Variants in RSF1 observed in about 807,000 individuals in gnomAD.
The protein encoded by RSF1 is remodeling and spacing factor 1.
In RSF1, 13 loss-of-function variants were observed where a neutral mutation model predicts 145.2. The observed-to-expected ratio is 0.09, with a 90% CI of 0.06 to 0.14. The LOEUF is 0.14. Ranked by LOEUF, RSF1 falls within the 10% of genes least tolerant of loss-of-function variation. The pLI is 1.00. For missense variants in RSF1, 1,517 were observed against 1,718.2 expected, an observed-to-expected ratio of 0.88 and a Z score of 2.07; for synonymous variants, 577 against 592.6, an observed-to-expected ratio of 0.97 and a Z score of 0.38.
the RSF1 span, chr11:77,872,038 G>A: frequency 3.9e-5 from 35 of 903,660 alleles, no homozygotes; most frequent in Non-Finnish European, 4.9e-5. Context: ...CCAAATTTTG[G>A]ACTGGTGATA....
intron 4 of RSF1, among the ~76,000 whole-genome samples, chr11:77,733,332 CA>C (rs1337183091): frequency 1.3e-5 from 2 of 148,696 alleles, no homozygotes; most frequent in Admixed American, 1.4e-4. Context: ...AGCACTTTTT[CA>C]TATGAATACT....
chr11:77,836,476 A>G, the RSF1 span, among the ~76,000 whole-genome samples: 6 of 152,162 alleles, frequency 3.9e-5, no homozygotes, highest in East Asian at 7.7e-4. Flanking sequence ...CCATAAACCA[A>G]CCAATCCTAT....
intron 5 of RSF1, among the ~76,000 whole-genome samples, chr11:77,711,876 T>C (rs1960693331): frequency 1.3e-5 from 2 of 152,206 alleles, no homozygotes; most frequent in South Asian, 4.1e-4. Context: ...TATTCTTTTT[T>C]TCCTTGGTCT....
At chr11:77,753,588 G>A (rs1228184801) in intron 2 of RSF1, among the ~76,000 whole-genome samples, 2 of 152,178 alleles carry the variant, frequency 1.3e-5, no homozygotes, top group Non-Finnish European at 2.9e-5. Flanking sequence ...GAATTTTTGT[G>A]ATTTTTAAAA....
chr11:77,872,040 C>T, the RSF1 span: 2 of 924,174 alleles, frequency 2.2e-6, no homozygotes, highest in South Asian at 5.6e-5. Flanking sequence ...AAATTTTGGA[C>T]TGGTGATACA....
At chr11:77,835,142 G>T in the RSF1 span, among the ~76,000 whole-genome samples, 21 of 152,270 alleles carry the variant, frequency 1.4e-4, no homozygotes, top group East Asian at 4.0e-3. Flanking sequence ...AATTGAGTGT[G>T]ACCACATGAC....
chr11:77,791,580 C>T (rs1369746344), intron 1 of RSF1, among the ~76,000 whole-genome samples: 1 of 152,110 alleles, frequency 6.6e-6, no homozygotes, highest in Non-Finnish European at 1.5e-5. Context: ...AACTGAATGC[C>T]TTTAATAGCA....
At chr11:77,705,657 T>C (rs1960530717) in intron 5 of RSF1, among the ~76,000 whole-genome samples, 1 of 152,264 alleles carries the variant, frequency 6.6e-6, no homozygotes, top group Non-Finnish European at 1.5e-5. Flanking sequence ...GAGGAAGTCG[T>C]GGGTGAGAAG....
chr11:77,833,222 G>C, the RSF1 span, among the ~76,000 whole-genome samples: 2 of 151,376 alleles, frequency 1.3e-5, no homozygotes, highest in African/African-American at 4.9e-5. Flanking sequence ...TGTTGGCCAG[G>C]CTGTTTATTT....
intron 5 of RSF1, among the ~76,000 whole-genome samples, chr11:77,715,105 T>C (rs557673667): frequency 4.6e-5 from 7 of 152,278 alleles, no homozygotes; most frequent in East Asian, 3.9e-4. Flanking sequence ...TCCTGGGCAA[T>C]TGAGCAAGAC....
At chr11:77,687,530 A>AC (rs1395465275) in intron 9 of RSF1, among the ~76,000 whole-genome samples, 1 of 152,018 alleles carries the variant, frequency 6.6e-6, no homozygotes, top group Non-Finnish European at 1.5e-5. Flanking sequence ...ACATGGCAAA[A>AC]CCCCATCTGT....
chr11:77,750,092 T>G lies in RSF1; in HGVS notation c.280-2964A>C, dbSNP rs375906047. 4.6e-5 allele frequency among the ~76,000 whole-genome samples: 7 copies of G among 152,070 alleles called. No individual in the cohort carries two copies. The East Asian group carries it at 7.7e-4, about 17-fold the overall frequency. On this transcript the variant is annotated intron_variant, in intron 2 of 15. Coordinates refer to ENST00000308488, the MANE Select transcript of RSF1 (RefSeq NM_016578.4). ...CAATTTAGACATACTGCTGTGCCAT[T>G]TGATGTTAAAAAAAAAAAAATCCAC...
chr11:77,742,280 CTTTTCTT>C (rs1043091385), intron 3 of RSF1, among the ~76,000 whole-genome samples: 7 of 151,936 alleles, frequency 4.6e-5, no homozygotes, highest in African/African-American at 1.7e-4. Flanking sequence ...CAAGGGTTCC[CTTTTCTT>C]TTTTCTTTTT....
At chr11:77,742,342 C>T (rs747851828) in intron 3 of RSF1, among the ~76,000 whole-genome samples, 10 of 152,090 alleles carry the variant, frequency 6.6e-5, no homozygotes, top group East Asian at 1.9e-4. Context: ...TGCAGTGGCG[C>T]GATCTCGGCT....
In RSF1 at chr11:77,740,810, A is replaced by C; in HGVS notation, c.499T>G (p.Leu167Val). 6.2e-7 allele frequency: 1 copy of C among 1,614,156 alleles called. No individual in the cohort carries two copies. Among genetic ancestry groups the C allele is most frequent in the Non-Finnish European group, 8.5e-7 (1 of 1,180,014 alleles). Reference sequence around the variant, plus strand: ...ATTCTGACATTGTGATCTTGATCCAATTGGTACCAGTACATGAGGCCATCT... The same window carrying C: ...ATTCTGACATTGTGATCTTGATCCACTTGGTACCAGTACATGAGGCCATCT... Reference protein sequence around the residue: ...DKDGLMYWYQLDQDHNVRMYI... With the variant: ...DKDGLMYWYQVDQDHNVRMYI... Residue 167 changes from leucine to valine, a missense_variant, in exon 4 of 16, where the codon TTG (leucine) becomes GTG (valine). By Grantham distance (32) the Leu-to-Val change is conservative (BLOSUM62 1). Transcript: ENST00000308488.
chr11:77,687,936 G>C (rs1172763449), intron 9 of RSF1, among the ~76,000 whole-genome samples: 1 of 152,096 alleles, frequency 6.6e-6, no homozygotes, highest in Non-Finnish European at 1.5e-5. Context: ...AAGCATCAAA[G>C]GGCTCCAAAG....
At chr11:77,704,687 C>T (rs1006117928) in intron 5 of RSF1, among the ~76,000 whole-genome samples, 6 of 151,676 alleles carry the variant, frequency 4.0e-5, no homozygotes, top group African/African-American at 9.7e-5. Flanking sequence ...TATTATTCTT[C>T]GCTGGTGTCA....
intron 1 of RSF1, among the ~76,000 whole-genome samples, chr11:77,817,199 A>G (rs976412061): frequency 2.0e-5 from 3 of 152,240 alleles, no homozygotes; most frequent in Non-Finnish European, 2.9e-5. Context: ...TTAAGTAGTC[A>G]GTAGCCATGT....
chr11:77,671,106 C>CA (rs1171789380), intron 15 of RSF1, among the ~76,000 whole-genome samples: 9 of 5,528 alleles, frequency 1.6e-3, no homozygotes, highest in East Asian at 0.018. Context: ...ACTCTGTCAC[C>CA]AAAAAAAAAA....
Sources: gnomAD v4.1 joint callset for allele counts (sites outside exome capture counted in the v4.1 genomes callset) on GRCh38, gnomAD v4.1.1 for gene constraint, MANE v1.5 for transcripts, NCBI Gene and HGNC (gene_info 2026-07-23, HGNC 2026-07-21) for gene names.